The following UBE2E3 variants were observed in gnomAD, a reference collection of about 807,000 sequenced individuals.
UBE2E3 encodes ubiquitin conjugating enzyme E2 E3, also known as ubiquitin-conjugating enzyme E2 E3.
A neutral mutation model predicts 23.6 loss-of-function variants in UBE2E3; 5 were observed. The ratio of observed to expected loss-of-function variants is 0.21; its 90% CI spans 0.11 to 0.44. The LOEUF (loss-of-function observed/expected upper bound fraction) is 0.44, where lower values mean the gene tolerates loss of function less well. UBE2E3 is among the 20% of genes least tolerant of loss of function. The pLI, the probability that UBE2E3 is intolerant of heterozygous loss-of-function variation, is 0.99. For synonymous variants in UBE2E3, 78 were observed against 87.5 expected, an observed-to-expected ratio of 0.89 and a Z score of 0.60; for missense variants, 81 against 249.8, an observed-to-expected ratio of 0.32 and a Z score of 4.55.
chr2:181,055,836 G>A (rs1403021700), intron 3 of UBE2E3, among the ~76,000 whole-genome samples: 7 of 151,776 alleles, frequency 4.6e-5, no homozygotes, highest in Non-Finnish European at 7.4e-5. Context: ...AGTTTAAGGC[G>A]TATGAGTCGT....
At position 181,037,832 on chromosome 2, in the gene UBE2E3, G is replaced by T. The variant is rs117198218; in HGVS notation, c.246-19861G>T. On this transcript the variant is annotated intron_variant, in intron 3 of 5. Transcript: ENST00000410062. ...AAAAATTTAAAAATTAGCGGGCATG[G>T]TGGCATATGCCTGTAGTCCCAGGTG... is the stretch of plus-strand genomic sequence containing the variant. 1.3e-3 allele frequency among the ~76,000 whole-genome samples: 198 copies of T among 152,248 alleles called. 2 individuals carry two copies. The East Asian group carries it at 0.034, about 26-fold the overall frequency.
chr2:181,058,899 G>T (rs772615133), intron 4 of UBE2E3, among the ~76,000 whole-genome samples: 3 of 151,668 alleles, frequency 2.0e-5, no homozygotes, highest in Admixed American at 6.6e-5. Context: ...TTACCGTGTG[G>T]TCCCATCAGC....
intron 3 of UBE2E3, among the ~76,000 whole-genome samples, chr2:181,000,304 A>G (rs1336995075): frequency 5.3e-5 from 8 of 152,352 alleles, no homozygotes; most frequent in Non-Finnish European, 7.4e-5. Flanking sequence ...ACTGTTAATC[A>G]CAACTTCTAT....
chr2:181,062,405 T>C (rs1001182656), intron 5 of UBE2E3, among the ~76,000 whole-genome samples: 2 of 151,668 alleles, frequency 1.3e-5, no homozygotes, highest in East Asian at 3.9e-4. Context: ...CATGGTATTG[T>C]AAGACTGGGG....
intron 3 of UBE2E3, among the ~76,000 whole-genome samples, chr2:181,021,968 C>T (rs151061121): frequency 4.4e-4 from 67 of 152,166 alleles, no homozygotes; most frequent in African/African-American, 1.4e-3. Flanking sequence ...CCCTTTTGGT[C>T]ACTTTTTTAC....
chr2:180,995,642 T>C (rs990744936), intron 3 of UBE2E3, among the ~76,000 whole-genome samples: 6 of 152,122 alleles, frequency 3.9e-5, no homozygotes, highest in African/African-American at 1.4e-4. Flanking sequence ...GTTTTGCTTA[T>C]TGGATTTCTG....
At chr2:181,026,009 G>T (rs1323719077) in intron 3 of UBE2E3, among the ~76,000 whole-genome samples, 1 of 151,848 alleles carries the variant, frequency 6.6e-6, no homozygotes, top group Non-Finnish European at 1.5e-5. Context: ...TAAATGTTGA[G>T]TAATACCAAG....
At chr2:181,052,384 C>A (rs1411885593) in intron 3 of UBE2E3, among the ~76,000 whole-genome samples, 2 of 151,762 alleles carry the variant, frequency 1.3e-5, no homozygotes, top group East Asian at 3.9e-4. Flanking sequence ...GAAACTAAAA[C>A]CCATGGCTTT....
intron 1 of UBE2E3, chr2:180,981,222 C>T (rs1684279490): frequency 6.6e-6 from 1 of 150,858 alleles, no homozygotes; most frequent in Admixed American, 6.6e-5. Flanking sequence ...CCGGCCGTGG[C>T]TCGCCTCCGC....
intron 3 of UBE2E3, among the ~76,000 whole-genome samples, chr2:181,006,405 T>C (rs1470439863): frequency 2.0e-5 from 3 of 151,464 alleles, no homozygotes; most frequent in Non-Finnish European, 4.4e-5. Context: ...CTTCCACCTT[T>C]TGCCGTTCCA....
chr2:181,026,803 A>G (rs1181965623), intron 3 of UBE2E3, among the ~76,000 whole-genome samples: 2 of 151,908 alleles, frequency 1.3e-5, no homozygotes, highest in African/African-American at 2.4e-5. Context: ...GCAATATTAG[A>G]TCTATTGAAC....
chr2:181,053,300 T>C (rs1686897761), intron 3 of UBE2E3, among the ~76,000 whole-genome samples: 1 of 151,796 alleles, frequency 6.6e-6, no homozygotes, highest in Admixed American at 6.6e-5. Context: ...AGTACCTTAT[T>C]TAATATTATA....
At chr2:181,015,046 A>G (rs899371806) in intron 3 of UBE2E3, among the ~76,000 whole-genome samples, 2 of 152,190 alleles carry the variant, frequency 1.3e-5, no homozygotes, top group African/African-American at 4.8e-5. Context: ...ACTGAGGTCA[A>G]TAGCTGCAAA....
chr2:181,016,594 T>G (rs554595082), intron 3 of UBE2E3, among the ~76,000 whole-genome samples: 1 of 152,198 alleles, frequency 6.6e-6, no homozygotes, highest in Non-Finnish European at 1.5e-5. Flanking sequence ...GTAATGGAGG[T>G]AGAATCCCAG....
chr2:181,038,382 T>G (rs1686366620), intron 3 of UBE2E3, among the ~76,000 whole-genome samples: 1 of 152,326 alleles, frequency 6.6e-6, no homozygotes, highest in African/African-American at 2.4e-5. Context: ...CTATGATGTT[T>G]GAAAAATGAC....
intron 3 of UBE2E3, among the ~76,000 whole-genome samples, chr2:181,048,303 A>C (rs1232177033): frequency 6.6e-6 from 1 of 152,140 alleles, no homozygotes; most frequent in Non-Finnish European, 1.5e-5. Flanking sequence ...TCTTGTACAG[A>C]TTCCTAGCCC....
chr2:181,048,491 G>C (rs1042884641), intron 3 of UBE2E3, among the ~76,000 whole-genome samples: 3 of 152,112 alleles, frequency 2.0e-5, no homozygotes, highest in Admixed American at 2.0e-4. Context: ...TTCCTGGTTG[G>C]TTGTTATAGA....
chr2:181,012,425 A>G (rs373587701), intron 3 of UBE2E3, among the ~76,000 whole-genome samples: 1 of 152,140 alleles, frequency 6.6e-6, no homozygotes, highest in Non-Finnish European at 1.5e-5. Context: ...AGCTCTTTAA[A>G]TTAAAGAATG....
In UBE2E3 at chr2:181,052,781, A is replaced by G. The variant is rs141238723; in HGVS notation, c.246-4912A>G. Among the ~76,000 whole-genome samples the G allele has an allele frequency of 4.3e-3, 660 of 151,976 alleles. 5 individuals are homozygous for G. The highest frequency in any genetic ancestry group is 0.014 in the African/African-American group (587 of 41,516). ...GAAAGGTCTACCCACTCTTAAGGCC[A>G]GGGTAGACTCCTTGTTTTATTTTCT... On this transcript the variant is annotated intron_variant, in intron 3 of 5. Coordinates refer to ENST00000410062, the MANE Select transcript of UBE2E3 (RefSeq NM_006357.4).
Sources: gnomAD v4.1 joint callset for allele counts (sites outside exome capture counted in the v4.1 genomes callset) on GRCh38, gnomAD v4.1.1 for gene constraint, MANE v1.5 for transcripts, NCBI Gene and HGNC (gene_info 2026-07-23, HGNC 2026-07-21) for gene names.